OR56A3: variants seen among roughly 807,000 people sequenced by gnomAD.
The protein encoded by OR56A3 is olfactory receptor family 56 subfamily A member 3.
In OR56A3, 23 loss-of-function variants were observed where a neutral mutation model predicts 17.5. The observed-to-expected ratio is 1.32, with a 90% CI of 0.95 to 1.87. The LOEUF is 1.87. OR56A3 is among the 40% of genes most tolerant of loss of function. The pLI, the probability that OR56A3 is intolerant of heterozygous loss-of-function variation, is 0.00. For synonymous variants in OR56A3, 175 were observed against 150.6 expected, an observed-to-expected ratio of 1.16 and a Z score of -1.19; for missense variants, 366 against 380.1, an observed-to-expected ratio of 0.96 and a Z score of 0.31.
chr11:5,986,226 G>A, the OR56A3 span: 2 of 1,613,754 alleles, frequency 1.2e-6, no homozygotes, highest in Admixed American at 1.7e-5. Context: ...TGTGGGCATA[G>A]GAAACACCAA....
chr11:5,985,773 T>A, the OR56A3 span: 2 of 623,070 alleles, frequency 3.2e-6, no homozygotes, highest in Non-Finnish European at 5.3e-6. Flanking sequence ...TCCAGGTACA[T>A]CCCAATAAGC....
At chr11:6,012,202 G>A in the OR56A3 span, among the ~76,000 whole-genome samples, 2 of 152,194 alleles carry the variant, frequency 1.3e-5, no homozygotes, top group Admixed American at 1.3e-4. Context: ...ACAAGCGGAG[G>A]TTGAGCAAGA....
chr11:5,977,396 A>G, the OR56A3 span, among the ~76,000 whole-genome samples: 1 of 152,132 alleles, frequency 6.6e-6, no homozygotes, highest in African/African-American at 2.4e-5. Context: ...GGCTTTTTAT[A>G]ATAGCCATTT....
chr11:5,994,324 C>T, the OR56A3 span: 1 of 672,652 alleles, frequency 1.5e-6, no homozygotes, highest in South Asian at 1.4e-5. Flanking sequence ...CTGCATGTGA[C>T]CACTGTGGTG....
chr11:5,946,506 C>T (rs752848325), intron 2 of OR56A3, among the ~76,000 whole-genome samples: 15 of 152,086 alleles, frequency 9.9e-5, no homozygotes, highest in Non-Finnish European at 1.6e-4. Flanking sequence ...TGGAAGGAGA[C>T]GGAAGGACTT....
chr11:6,004,674 G>C, the OR56A3 span, among the ~76,000 whole-genome samples: 1 of 152,318 alleles, frequency 6.6e-6, no homozygotes, highest in Admixed American at 6.5e-5. Context: ...TTATGCATCA[G>C]TTCTGCCCTG....
At chr11:5,945,953 G>T (rs772623929) in intron 2 of OR56A3, among the ~76,000 whole-genome samples, 36 of 152,318 alleles carry the variant, frequency 2.4e-4, no homozygotes, top group Non-Finnish European at 1.9e-4. Flanking sequence ...GCTGAGAAGC[G>T]ATAGAAAGGA....
At chr11:6,017,103 G>C in the OR56A3 span, 1 of 101,826 alleles carries the variant, frequency 9.8e-6, no homozygotes, top group Non-Finnish European at 2.0e-5. Flanking sequence ...GGAATATTGG[G>C]TGCTGTAGGA....
At chr11:5,985,614 G>T in the OR56A3 span, among the ~76,000 whole-genome samples, 1 of 152,150 alleles carries the variant, frequency 6.6e-6, no homozygotes, top group Non-Finnish European at 1.5e-5. Context: ...GTGTTGCATG[G>T]CCTACCATTG....
Position 5,947,495 on chromosome 11 carries a change from T to C in OR56A3, c.149T>C (p.Leu50Pro). The change falls in exon 3 of 3, where the codon CTG becomes CCG. Residue 50 changes from leucine to proline, a missense_variant. Coordinates refer to ENST00000641160, the MANE Select transcript of OR56A3 (RefSeq NM_001003443.3). ...GCCGTAGGGGCCAACACCACCCTCC[T>C]GATGACCATCTGGCTGGAGGCCTCT... is the stretch of plus-strand genomic sequence containing the variant. Reference protein sequence around the residue: ...LLAVGANTTLLMTIWLEASLH... With the variant: ...LLAVGANTTLPMTIWLEASLH... 3 of 1,614,036 alleles carry C rather than the reference T, an allele frequency of 1.9e-6. No individual in the cohort carries two copies. The highest frequency in any genetic ancestry group is 2.5e-6 in the Non-Finnish European group (3 of 1,179,908).
the OR56A3 span, among the ~76,000 whole-genome samples, chr11:5,957,218 T>C: frequency 6.6e-6 from 1 of 152,164 alleles, no homozygotes; most frequent in Non-Finnish European, 1.5e-5. Flanking sequence ...ACAGAGTATC[T>C]TAAAACTTTA....
At chr11:6,007,197 G>A in the OR56A3 span, among the ~76,000 whole-genome samples, 1 of 152,156 alleles carries the variant, frequency 6.6e-6, no homozygotes, top group Non-Finnish European at 1.5e-5. Flanking sequence ...GGTAAAATAA[G>A]CCAGACACAG....
rs1357182163 is a variant in OR56A3 at position 5,950,921 on chromosome 11, A to G, written c.*2627A>G. On this transcript the variant is annotated 3_prime_UTR_variant, in exon 3 of 3. Coordinates refer to ENST00000641160, the MANE Select transcript of OR56A3 (RefSeq NM_001003443.3). The stretch of plus-strand genomic sequence containing the variant: ...GATAGAAAATAAAGTTAATTAGAAA[A>G]TATGTATTCTTCTTGAAATACATCT... 1 of 152,126 alleles carries G rather than the reference A, an allele frequency of 6.6e-6. No homozygotes were observed. The allele number at this position is 152,126 out of a possible 1,614,324, so 9.4% of individuals were successfully genotyped here.
the OR56A3 span, among the ~76,000 whole-genome samples, chr11:6,016,223 C>T: frequency 6.6e-6 from 1 of 152,180 alleles, no homozygotes; most frequent in African/African-American, 2.4e-5. Flanking sequence ...AAGATGGCTG[C>T]TTCTGTTTTG....
the OR56A3 span, among the ~76,000 whole-genome samples, chr11:5,966,533 A>G: frequency 2.0e-5 from 3 of 152,192 alleles, no homozygotes; most frequent in Non-Finnish European, 4.4e-5. Flanking sequence ...TAGCTACTAA[A>G]TGTTACTTAA....
chr11:5,989,054 A>C, the OR56A3 span, among the ~76,000 whole-genome samples: 45 of 152,352 alleles, frequency 3.0e-4, no homozygotes, highest in African/African-American at 9.1e-4. Context: ...TATGATAGCT[A>C]TAAAGTCTGA....
chr11:5,995,568 A>T, the OR56A3 span, among the ~76,000 whole-genome samples: 2 of 152,146 alleles, frequency 1.3e-5, no homozygotes, highest in African/African-American at 4.8e-5. Context: ...TTTCAATACT[A>T]CCCATCAAGG....
chr11:5,989,484 C>T, the OR56A3 span, among the ~76,000 whole-genome samples: 2 of 152,116 alleles, frequency 1.3e-5, no homozygotes, highest in Non-Finnish European at 2.9e-5. Flanking sequence ...AACAAATAAG[C>T]GGAAAAGCAG....
At chr11:5,960,987 C>T in the OR56A3 span, among the ~76,000 whole-genome samples, 2 of 151,230 alleles carry the variant, frequency 1.3e-5, no homozygotes, top group African/African-American at 2.4e-5. Context: ...CGTCTCTGAC[C>T]GGCCGCCCCA....
Sources: allele counts gnomAD v4.1 joint callset (sites outside exome capture counted in the v4.1 genomes callset), GRCh38; gene constraint gnomAD v4.1.1; transcripts MANE v1.5; gene names NCBI Gene and HGNC (gene_info 2026-07-23, HGNC 2026-07-21).